EGFL7: variants seen among roughly 807,000 people sequenced by gnomAD.
EGFL7 encodes the protein epidermal growth factor-like protein 7.
A neutral mutation model predicts 37.1 loss-of-function variants in EGFL7; 48 were observed. The observed-to-expected ratio is 1.29, with a 90% CI of 1.03 to 1.65. EGFL7 has a LOEUF of 1.65. EGFL7 is among the 40% of genes most tolerant of loss of function. The pLI is 0.00. For missense variants in EGFL7, 384 were observed against 378.9 expected (o/e 1.01, Z -0.11); for synonymous variants, 180 against 156.8 (o/e 1.15, Z -1.10).
At position 136,671,007 on chromosome 9, in the gene EGFL7, TGGA is replaced by T. The variant is rs1845823120; in HGVS notation, c.635_636+1del. ...AGGCTGCAGTCCAGGGTGGACCTGC[TGGA>T]GGAGGTGAGGCATTGGTGGGGGGGG... On this transcript the variant is annotated inframe_deletion, in exon 9 of 11. Transcript: ENST00000308874. 8.2e-6 allele frequency: 7 copies of T among 853,652 alleles called. No individual in the cohort carries two copies. Among genetic ancestry groups the T allele is most frequent in the Non-Finnish European group, 1.1e-5 (7 of 638,878 alleles). The allele number at this position is 853,652 out of a possible 1,614,324, so 52.9% of individuals were successfully genotyped here.
upstream of EGFL7, chr9:136,662,878 A>G (rs35874494): frequency 0.22 from 32,750 of 152,304 alleles, 3,737 homozygotes; most frequent in Middle Eastern, 0.29. Flanking sequence ...CCGATTACCC[A>G]GGACGGAGCA....
chr9:136,668,460 G>T, intron 4 of EGFL7, 97 bp from the exon 5 acceptor site: 2 of 1,521,016 alleles, frequency 1.3e-6, no homozygotes, highest in South Asian at 2.4e-5. Flanking sequence ...GGACTCCCTG[G>T]GGGCTCCTGC....
Position 136,672,278 on chromosome 9 carries a change from G to A in EGFL7, c.814G>A (p.Asp272Asn). 1.9e-6 allele frequency: 3 copies of A among 1,613,370 alleles called. No individual in the cohort carries two copies. Among genetic ancestry groups the A allele is most frequent in the South Asian group, 1.1e-5 (1 of 91,092 alleles). Residue 272 changes from aspartate (D) to asparagine (N), a missense_variant, in exon 11 of 11, where the codon GAC becomes AAC. Coordinates refer to ENST00000308874, the MANE Select transcript of EGFL7 (RefSeq NM_016215.5). ...TCCAACCCTAGGCTCCTGCAAGAAAGACTCGTGACTGCCCAGCGCCCCAGG... is the reference window on the plus strand; with the variant it reads ...TCCAACCCTAGGCTCCTGCAAGAAAAACTCGTGACTGCCCAGCGCCCCAGG... The part of the protein sequence containing the change: ...EQLGSCSCKK[D>N]S
intron 4 of EGFL7, 59 bp from the exon 5 acceptor site, chr9:136,668,498 C>A: frequency 1.3e-6 from 2 of 1,569,974 alleles, no homozygotes; most frequent in Non-Finnish European, 1.7e-6. Context: ...CCACATGTTC[C>A]CATCATTCTT....
In EGFL7 at chr9:136,672,348, C is replaced by T; in HGVS notation, c.*62C>T. 6.2e-7 allele frequency: 1 copy of T among 1,608,256 alleles called. No individual in the cohort carries two copies. Among genetic ancestry groups the T allele is most frequent in the Admixed American group, 1.7e-5 (1 of 59,938 alleles). Reference sequence around the variant, plus strand: ...CCGCCCTGCAGCCCCCATGCCCCTGCCCAACATGCTGGGGGTCCAGAAACC... The same window carrying T: ...CCGCCCTGCAGCCCCCATGCCCCTGTCCAACATGCTGGGGGTCCAGAAACC... On this transcript the variant is annotated 3_prime_UTR_variant, in exon 11 of 11. Coordinates refer to ENST00000308874, the MANE Select transcript of EGFL7 (RefSeq NM_016215.5).
chr9:136,667,753 A>G (rs1279265825), intron 3 of EGFL7, among the ~76,000 whole-genome samples: 1 of 152,086 alleles, frequency 6.6e-6, no homozygotes, highest in African/African-American at 2.4e-5. Context: ...CCGGTTCCAC[A>G]CTCAGATGAG....
rs45494498 is a variant in EGFL7, at chr9:136,672,669, T to C, written c.*383T>C. ...TGCCTGACCCCCAGCACAATAAAAA[T>C]GAAACGTGAGCTGCTGTGTCAGTGG... On this transcript the variant is annotated 3_prime_UTR_variant, in exon 11 of 11. Coordinates refer to ENST00000308874, the MANE Select transcript of EGFL7 (RefSeq NM_016215.5). The C allele has an allele frequency of 0.028, 8,640 of 311,204 alleles. 194 individuals are homozygous for C. Among genetic ancestry groups the C allele is most frequent in the South Asian group, 0.054 (878 of 16,222 alleles). 19.3% of individuals were successfully genotyped at this position (311,204 alleles called of 1,614,324 possible).
At chr9:136,667,616 T>C (rs961930710) in intron 3 of EGFL7, among the ~76,000 whole-genome samples, 7 of 152,208 alleles carry the variant, frequency 4.6e-5, no homozygotes, top group African/African-American at 1.2e-4. Context: ...TGGAGGCTGA[T>C]TGCACACATA....
chr9:136,665,814 G>C (rs1845431386), intron 3 of EGFL7: 1 of 146,266 alleles, frequency 6.8e-6, no homozygotes, highest in South Asian at 1.9e-4. Context: ...CCCCGGATCC[G>C]GCGGTGAGTG....
intron 3 of EGFL7, among the ~76,000 whole-genome samples, chr9:136,667,486 C>G (rs1003181496): frequency 6.6e-6 from 1 of 152,210 alleles, no homozygotes; most frequent in Non-Finnish European, 1.5e-5. Flanking sequence ...AAGCCTCACC[C>G]GGGCCCCTGG....
In EGFL7 at chr9:136,672,627, G is replaced by A. The variant is rs1487873657; in HGVS notation, c.*341G>A. The A allele has an allele frequency of 4.3e-6, 2 of 467,372 alleles. No individual in the cohort carries two copies. Among genetic ancestry groups the A allele is most frequent in the Admixed American group, 3.5e-5 (1 of 28,744 alleles). 29.0% of individuals were successfully genotyped at this position (467,372 alleles called of 1,614,324 possible). On this transcript the variant is annotated 3_prime_UTR_variant, in exon 11 of 11. Coordinates refer to ENST00000308874, the MANE Select transcript of EGFL7 (RefSeq NM_016215.5). Reference sequence around the variant, plus strand: ...CCAGGCAGCCCGGAGGCTGGGTGGGGCCTCAGTGGGGGCTGCTGCCTGACC... The same window carrying A: ...CCAGGCAGCCCGGAGGCTGGGTGGGACCTCAGTGGGGGCTGCTGCCTGACC...
rs1845982233 is a variant in EGFL7 at position 136,672,424 on chromosome 9, C to T, written c.*138C>T. 1 of 1,016,998 alleles carries T rather than the reference C, an allele frequency of 9.8e-7. No homozygotes were observed. The highest frequency in any genetic ancestry group is 1.6e-5 in the African/African-American group (1 of 62,090). 63.0% of individuals were successfully genotyped at this position (1,016,998 alleles called of 1,614,324 possible). The stretch of plus-strand genomic sequence containing the variant: ...CAGGCAGGGCCTTCCTCCTCTTCCT[C>T]CTCCCCTTCCTCGGGAGGCTCCCCA... On this transcript the variant is annotated 3_prime_UTR_variant, in exon 11 of 11. Coordinates refer to ENST00000308874, the MANE Select transcript of EGFL7 (RefSeq NM_016215.5).
chr9:136,668,207 C>A, intron 3 of EGFL7, 34 bp from the exon 4 acceptor site: 1 of 1,327,736 alleles, frequency 7.5e-7, no homozygotes, highest in Non-Finnish European at 1.0e-6. Flanking sequence ...GGGGCATCTG[C>A]GGGGAGACTT....
At chr9:136,671,038 GGGGGCAGGCAGTCCA>G in intron 9 of EGFL7, 24 bp downstream of exon 9, 1 of 1,298,474 alleles carries the variant, frequency 7.7e-7, no homozygotes, top group Non-Finnish European at 1.0e-6. Flanking sequence ...GGGGGGGGGG[GGGGGCAGGCAGTCCA>G]GGGTGGACCT....
upstream of EGFL7, among the ~76,000 whole-genome samples, chr9:136,660,065 C>T (rs970422044): frequency 3.9e-5 from 6 of 152,196 alleles, no homozygotes; most frequent in East Asian, 3.8e-4. Context: ...ACCACCAGAG[C>T]GGCCAGGGCA....
chr9:136,670,040 G>A (rs1264682339), intron 7 of EGFL7, 31 bp downstream of exon 7: 3 of 1,586,218 alleles, frequency 1.9e-6, no homozygotes, highest in South Asian at 1.1e-5. Context: ...GGGGGCCCTG[G>A]AAGGGTCCTG....
chr9:136,669,771 C>T (rs1845720703), intron 6 of EGFL7, 50 bp downstream of exon 6: 1 of 1,482,804 alleles, frequency 6.7e-7, no homozygotes, highest in Admixed American at 2.1e-5. Context: ...GACTGTTCCC[C>T]AATCTTCCAG....
At chr9:136,668,112 G>T (rs1001165648) in intron 3 of EGFL7, 129 bp from the exon 4 acceptor site, 2 of 592,800 alleles carry the variant, frequency 3.4e-6, no homozygotes, top group Non-Finnish European at 5.9e-6. Flanking sequence ...GGGCGCCACC[G>T]TGGGGCTGTC....
rs1321637678 is a variant in EGFL7, at chr9:136,671,987, T to TCCCGGAC, written c.704_710dup (p.Ser238ProfsTer48). On this transcript the variant is annotated frameshift_variant, in exon 10 of 11. Coordinates refer to ENST00000308874, the MANE Select transcript of EGFL7 (RefSeq NM_016215.5). LOFTEE classifies it high-confidence loss of function. ...GCCTCGCAGGCACTGGAGCATGGGCTCCCGGACCCCGGCAGCCTCCTGGTG... is the reference window on the plus strand; with the variant it reads ...GCCTCGCAGGCACTGGAGCATGGGCTCCCGGACCCCGGACCCCGGCAGCCTCCTGGTG... 1 of 1,542,442 alleles carries TCCCGGAC rather than the reference T, an allele frequency of 6.5e-7. No homozygotes were observed. The highest frequency in any genetic ancestry group is 1.4e-5 in the African/African-American group (1 of 73,112).
Sources: allele counts gnomAD v4.1 joint callset (sites outside exome capture counted in the v4.1 genomes callset), GRCh38; gene constraint gnomAD v4.1.1; transcripts MANE v1.5; gene names NCBI Gene and HGNC (gene_info 2026-07-23, HGNC 2026-07-21).